SLC25A30: variants seen among roughly 807,000 people sequenced by gnomAD.
SLC25A30 encodes the protein solute carrier family 25 member 30, also known as kidney mitochondrial carrier protein 1.
In SLC25A30, 29 loss-of-function variants were observed where a neutral mutation model predicts 42.7. The observed-to-expected ratio is 0.68, with a 90% CI of 0.51 to 0.93. SLC25A30 has a LOEUF of 0.93. Ranked by LOEUF, SLC25A30 falls within the 40% of genes least tolerant of loss-of-function variation. The pLI is 0.00. For synonymous variants in SLC25A30, 124 were observed against 131.0 expected (o/e 0.95, Z 0.37); for missense variants, 300 against 359.7 (o/e 0.83, Z 1.34).
At chr13:45,429,405 T>C in the SLC25A30 span, among the ~76,000 whole-genome samples, 1 of 152,020 alleles carries the variant, frequency 6.6e-6, no homozygotes, top group African/African-American at 2.4e-5. Context: ...CTTTCATGTA[T>C]GTGTCCCCTA....
chr13:45,434,012 A>T, the SLC25A30 span, among the ~76,000 whole-genome samples: 28 of 152,166 alleles, frequency 1.8e-4, no homozygotes, highest in Non-Finnish European at 3.8e-4. Flanking sequence ...TAATCCCAGC[A>T]CTTTGGGAGG....
chr13:45,404,293 A>G, intron 5 of SLC25A30, 34 bp downstream of exon 5: 1 of 1,406,112 alleles, frequency 7.1e-7, no homozygotes, highest in Non-Finnish European at 1.0e-6. Context: ...GAAAATGTGG[A>G]ATGTGCCTAT....
At chr13:45,421,015 A>C (rs557529394), upstream of SLC25A30, among the ~76,000 whole-genome samples, 2 of 152,140 alleles carry the variant, frequency 1.3e-5, no homozygotes, top group South Asian at 4.2e-4. Flanking sequence ...GTCTTGGCCC[A>C]GGGATTGGAA....
chr13:45,425,639 A>AAT, the SLC25A30 span, among the ~76,000 whole-genome samples: 3 of 61,352 alleles, frequency 4.9e-5, no homozygotes, highest in African/African-American at 8.4e-5. Context: ...AGTATATATA[A>AAT]ATATATATAT....
intron 1 of SLC25A30, among the ~76,000 whole-genome samples, chr13:45,417,528 G>A (rs1242507833): frequency 1.3e-5 from 2 of 152,032 alleles, no homozygotes; most frequent in African/African-American, 4.8e-5. Context: ...GCTCATCACA[G>A]ACTTACAAAA....
Position 45,394,089 on chromosome 13 carries a change from T to C in SLC25A30, c.*1885A>G. Reference sequence around the variant, plus strand: ...AAGTCTTTATAAAATCAATGGAATGTTTTGGAAAGAAGAAAAAATCCTAAG... The same window carrying C: ...AAGTCTTTATAAAATCAATGGAATGCTTTGGAAAGAAGAAAAAATCCTAAG... On this transcript the variant is annotated 3_prime_UTR_variant, in exon 10 of 10. Transcript: ENST00000519676. 1.0e-6 allele frequency: 1 copy of C among 985,276 alleles called. No individual in the cohort carries two copies. 61.0% of individuals were successfully genotyped at this position (985,276 alleles called of 1,614,324 possible). A position where few individuals can be genotyped will look rare whatever the true frequency, so the allele number is the denominator to read the frequency against.
chr13:45,404,462 G>A (rs190633055), intron 4 of SLC25A30, 50 bp from the exon 5 acceptor site: 345 of 1,324,252 alleles, frequency 2.6e-4, no homozygotes, highest in South Asian at 6.8e-4. Context: ...AGTTCTTCCC[G>A]TGAGAAACTC....
chr13:45,397,369 C>T lies in SLC25A30; in HGVS notation c.754-31G>A, dbSNP rs1052915201. ...AAAAGAAGAAAAAAAAGTTAACTTC[C>T]AACTTTCTAATTATGCCAAATGCAT... On this transcript the variant is annotated intron_variant, in intron 8 of 9. Coordinates refer to ENST00000519676, the MANE Select transcript of SLC25A30 (RefSeq NM_001010875.4). 2.0e-6 allele frequency: 3 copies of T among 1,488,398 alleles called. No individual in the cohort carries two copies. In the African/African-American group the frequency reaches 4.2e-5, roughly 21 times the overall value. 92.2% of individuals were successfully genotyped at this position (1,488,398 alleles called of 1,614,324 possible).
the SLC25A30 span, among the ~76,000 whole-genome samples, chr13:45,424,761 T>G: frequency 1.0e-4 from 6 of 58,506 alleles, 1 homozygote; most frequent in South Asian, 2.6e-3. Context: ...TTTATATAAA[T>G]ATATAAATAT....
chr13:45,402,059 CAAAAAA>C (rs66565783), intron 6 of SLC25A30, among the ~76,000 whole-genome samples: 83 of 83,852 alleles, frequency 9.9e-4, no homozygotes, highest in African/African-American at 2.6e-3. Flanking sequence ...GACTCCATCT[CAAAAAA>C]AAAAAAAAAA....
At chr13:45,401,994 A>C (rs1882026511) in intron 6 of SLC25A30, among the ~76,000 whole-genome samples, 1 of 135,372 alleles carries the variant, frequency 7.4e-6, no homozygotes, top group Admixed American at 8.8e-5. Flanking sequence ...CAGGAGGTGG[A>C]GGTTGCAGTG....
At chr13:45,403,885 T>C (rs983482237) in intron 5 of SLC25A30, among the ~76,000 whole-genome samples, 1 of 148,946 alleles carries the variant, frequency 6.7e-6, no homozygotes, top group African/African-American at 2.5e-5. Context: ...TGCAGTGAGT[T>C]GACATCGTGC....
the SLC25A30 span, among the ~76,000 whole-genome samples, chr13:45,427,225 C>T: frequency 6.6e-6 from 1 of 152,154 alleles, no homozygotes; most frequent in Non-Finnish European, 1.5e-5. Context: ...ACTTTCCTCC[C>T]ATCTTCCTGT....
In SLC25A30 at chr13:45,399,042, G is replaced by T; in HGVS notation, c.651C>A (p.Ala217=). 1.2e-6 allele frequency: 2 copies of T among 1,613,238 alleles called. No homozygotes were observed. Among genetic ancestry groups the T allele is most frequent in the South Asian group, 2.2e-5 (2 of 90,936 alleles). Residue 217 remains alanine (A), a synonymous_variant, in exon 8 of 10, where the codon GCC becomes GCA. Transcript: ENST00000519676. ...TCCTCACAACATCAACAGGGTTTGA[G>T]GCCAGGGCCCCTGCCAGACCACAGG... The part of the protein sequence containing the change: ...SFTCGLAGAL[A]SNPVDVVRTR...
In SLC25A30 at chr13:45,398,965, G is replaced by C; in HGVS notation, c.728C>G (p.Thr243Arg). 6 of 1,614,124 alleles carry C rather than the reference G, an allele frequency of 3.7e-6. No individual in the cohort carries two copies. Among genetic ancestry groups the C allele is most frequent in the Non-Finnish European group, 5.1e-6 (6 of 1,180,018 alleles). ...CTGTAACAAGCAATCCAGGGTTCCT[G>C]TGTAGCCAGAACATCTGCCATCTCG... ...VLRDGRCSGYTGTLDCLLQTW... is the reference protein window; with the variant it reads ...VLRDGRCSGYRGTLDCLLQTW... The change falls in exon 8 of 10, where the codon ACA (threonine) becomes AGA (arginine). Residue 243 changes from threonine to arginine, a missense_variant. By Grantham distance (71) the Thr-to-Arg change is moderately conservative (BLOSUM62 -1). Coordinates refer to ENST00000519676, the MANE Select transcript of SLC25A30 (RefSeq NM_001010875.4).
intron 1 of SLC25A30, 24 bp from the exon 2 acceptor site, chr13:45,411,504 T>A: frequency 7.0e-7 from 1 of 1,437,914 alleles, no homozygotes; most frequent in South Asian, 1.2e-5. Context: ...TAAGATATTA[T>A]CAAGCTGTAA....
chr13:45,425,512 A>G, the SLC25A30 span, among the ~76,000 whole-genome samples: 1 of 111,820 alleles, frequency 8.9e-6, no homozygotes, highest in African/African-American at 3.4e-5. Flanking sequence ...AGAAATATAT[A>G]TAAGCATATA....
At chr13:45,429,683 T>A in the SLC25A30 span, among the ~76,000 whole-genome samples, 2 of 151,402 alleles carry the variant, frequency 1.3e-5, no homozygotes, top group African/African-American at 2.4e-5. Flanking sequence ...AAAATTTTTT[T>A]AATTAGCTGG....
chr13:45,433,646 T>C, the SLC25A30 span, among the ~76,000 whole-genome samples: 1 of 152,260 alleles, frequency 6.6e-6, no homozygotes, highest in South Asian at 2.1e-4. Context: ...GACATTTCCA[T>C]CTGGTAATAG....
Sources: allele counts gnomAD v4.1 joint callset (sites outside exome capture counted in the v4.1 genomes callset), GRCh38; gene constraint gnomAD v4.1.1; transcripts MANE v1.5; gene names NCBI Gene and HGNC (gene_info 2026-07-23, HGNC 2026-07-21).